Variants in PKIG observed in about 807,000 individuals in gnomAD.
PKIG encodes protein kinase (cAMP-dependent, catalytic) inhibitor gamma.
PKIG carries 1 observed loss-of-function variant against 6.8 expected under a neutral mutation model. The observed-to-expected ratio is 0.15, with a 90% CI of 0.05 to 0.69. PKIG has a LOEUF of 0.69. Among genes scored for constraint, PKIG ranks in the 30% least tolerant of loss-of-function variants. PKIG has a pLI of 0.82. For synonymous variants in PKIG, 39 were observed against 43.0 expected (o/e 0.91, Z 0.36); for missense variants, 77 against 104.0 (o/e 0.74, Z 1.13).
At chr20:44,549,216 A>C (rs1219324780) in intron 1 of PKIG, among the ~76,000 whole-genome samples, 1 of 152,118 alleles carries the variant, frequency 6.6e-6, no homozygotes, top group Non-Finnish European at 1.5e-5. Flanking sequence ...ACTTTTATAG[A>C]CTTACTTATT....
intron 1 of PKIG, among the ~76,000 whole-genome samples, chr20:44,542,558 A>G (rs1203603382): frequency 6.6e-6 from 1 of 152,098 alleles, no homozygotes; most frequent in Non-Finnish European, 1.5e-5. Flanking sequence ...TACATATTAA[A>G]TATAGTGGCC....
intron 1 of PKIG, among the ~76,000 whole-genome samples, chr20:44,536,713 T>C (rs1448180438): frequency 6.6e-6 from 1 of 152,240 alleles, no homozygotes; most frequent in Non-Finnish European, 1.5e-5. Flanking sequence ...CTTGATCTGA[T>C]TTGCACATAG....
intron 1 of PKIG, among the ~76,000 whole-genome samples, chr20:44,544,783 CAAGCCTGG>C (rs1355756171): frequency 6.6e-6 from 1 of 152,208 alleles, no homozygotes; most frequent in Non-Finnish European, 1.5e-5. Context: ...GAAATAGATA[CAAGCCTGG>C]AAGTGGGCAG....
intron 1 of PKIG, among the ~76,000 whole-genome samples, chr20:44,584,488 C>CAA (rs61654555): frequency 6.8e-4 from 44 of 64,632 alleles, no homozygotes; most frequent in African/African-American, 1.8e-3. Context: ...AGCCAGAGTG[C>CAA]AAAAAAAAAA....
chr20:44,618,166 TC>T (rs11477624), intron 3 of PKIG, 118 bp from the exon 4 acceptor site: 98,505 of 733,874 alleles, frequency 0.13, 7,414 homozygotes, highest in South Asian at 0.22. Context: ...CAGCTCCAGC[TC>T]GTCTTGCTCC....
At chr20:44,562,683 T>C (rs1340729918) in intron 1 of PKIG, among the ~76,000 whole-genome samples, 2 of 151,114 alleles carry the variant, frequency 1.3e-5, no homozygotes, top group Non-Finnish European at 2.9e-5. Flanking sequence ...ATAATGATAC[T>C]ATGAATACTA....
chr20:44,572,501 T>C (rs950784161), intron 1 of PKIG, among the ~76,000 whole-genome samples: 1 of 152,230 alleles, frequency 6.6e-6, no homozygotes, highest in African/African-American at 2.4e-5. Flanking sequence ...TTTTATAATC[T>C]TTTAAAATTC....
At chr20:44,569,815 G>A (rs998223967) in intron 1 of PKIG, among the ~76,000 whole-genome samples, 1 of 151,932 alleles carries the variant, frequency 6.6e-6, no homozygotes, top group African/African-American at 2.4e-5. Context: ...ACAATTTGGT[G>A]TATTGTATAT....
At chr20:44,607,802 A>G (rs957739092) in intron 2 of PKIG, among the ~76,000 whole-genome samples, 4 of 150,334 alleles carry the variant, frequency 2.7e-5, no homozygotes, top group African/African-American at 9.9e-5. Context: ...CTCCTGCCTC[A>G]GCCTCCCGAG....
At chr20:44,604,093 T>C (rs912018926) in intron 2 of PKIG, among the ~76,000 whole-genome samples, 12 of 152,112 alleles carry the variant, frequency 7.9e-5, no homozygotes, top group Non-Finnish European at 1.5e-4. Flanking sequence ...GGGAAGGTTG[T>C]AGTAGACTGG....
intron 1 of PKIG, among the ~76,000 whole-genome samples, chr20:44,571,261 A>T (rs1007197004): frequency 8.6e-5 from 13 of 151,786 alleles, no homozygotes; most frequent in Non-Finnish European, 1.8e-4. Flanking sequence ...TGACAAAATG[A>T]CCTGAAAAAA....
At chr20:44,555,751 AT>A (rs562781760) in intron 1 of PKIG, among the ~76,000 whole-genome samples, 1 of 152,050 alleles carries the variant, frequency 6.6e-6, no homozygotes, top group South Asian at 2.1e-4. Context: ...AGGGAACCTC[AT>A]TTTTTTTAAC....
At chr20:44,598,063 A>T (rs2065089790) in intron 2 of PKIG, among the ~76,000 whole-genome samples, 1 of 152,186 alleles carries the variant, frequency 6.6e-6, no homozygotes, top group African/African-American at 2.4e-5. Flanking sequence ...TTGCAGTTAG[A>T]TGGTGGCTGG....
intron 2 of PKIG, among the ~76,000 whole-genome samples, chr20:44,591,455 G>T (rs2065032667): frequency 6.6e-6 from 1 of 152,100 alleles, no homozygotes; most frequent in South Asian, 2.1e-4. Flanking sequence ...AGTTCTAAGG[G>T]ACTGAGAGAG....
At chr20:44,607,686 T>A (rs1004446129) in intron 2 of PKIG, among the ~76,000 whole-genome samples, 3 of 124,308 alleles carry the variant, frequency 2.4e-5, no homozygotes, top group African/African-American at 9.5e-5. Flanking sequence ...GGAAAATAAA[T>A]TTTTTTTTTT....
chr20:44,618,344 G>A lies in PKIG; in HGVS notation c.211G>A (p.Asp71Asn), dbSNP rs752384280. 1.1e-5 allele frequency: 18 copies of A among 1,612,120 alleles called. No homozygotes were observed. The highest frequency in any genetic ancestry group is 4.5e-5 in the East Asian group (2 of 44,876). Residue 71 changes from aspartate (D) to asparagine (N), a missense_variant, in exon 4 of 4, where the codon GAT becomes AAT. By Grantham distance (23) the Asp-to-Asn change is conservative (BLOSUM62 1). Transcript: ENST00000372886. ...KEAGNQPQSS[D>N]GTTSS ...AGCTGGCAACCAGCCCCAGAGCAGC[G>A]ATGGGACCACCTCGTCTTGAATCTG...
intron 2 of PKIG, among the ~76,000 whole-genome samples, chr20:44,608,725 A>G (rs2065188336): frequency 6.6e-6 from 1 of 151,704 alleles, no homozygotes; most frequent in African/African-American, 2.4e-5. Context: ...GCTTGAGCCC[A>G]GGAAGTTGAG....
intron 1 of PKIG, among the ~76,000 whole-genome samples, chr20:44,553,362 T>A (rs1404551811): frequency 1.3e-5 from 2 of 152,302 alleles, no homozygotes; most frequent in East Asian, 3.9e-4. Context: ...GACAAGTGCC[T>A]GAAGTGTACA....
At chr20:44,534,472 CTT>C (rs777434666) in intron 1 of PKIG, among the ~76,000 whole-genome samples, 26 of 141,598 alleles carry the variant, frequency 1.8e-4, no homozygotes, top group South Asian at 2.3e-4. Context: ...ATGCACCATT[CTT>C]TTTTTTTTTT....
Sources: allele counts gnomAD v4.1 joint callset (sites outside exome capture counted in the v4.1 genomes callset), GRCh38; gene constraint gnomAD v4.1.1; transcripts MANE v1.5; gene names NCBI Gene and HGNC (gene_info 2026-07-23, HGNC 2026-07-21).